SNX30: variants seen among roughly 807,000 people sequenced by gnomAD.
The protein encoded by SNX30 is sorting nexin-30.
A neutral mutation model predicts 46.4 loss-of-function variants in SNX30; 24 were observed. The ratio of observed to expected loss-of-function variants is 0.52; its 90% confidence interval spans 0.37 to 0.73. The LOEUF is 0.73. Among genes scored for constraint, SNX30 ranks in the 30% least tolerant of loss-of-function variants. The pLI, the probability that SNX30 is intolerant of heterozygous loss-of-function variation, is 0.00. For missense variants in SNX30, 533 were observed against 555.7 expected, an observed-to-expected ratio of 0.96 and a Z score of 0.41; for synonymous variants, 189 against 211.5, an observed-to-expected ratio of 0.89 and a Z score of 0.92.
At chr9:112,832,449 AGAGAGAGAGAGTGTGTGTGT>A (rs1215472540) in intron 4 of SNX30, among the ~76,000 whole-genome samples, 3 of 123,664 alleles carry the variant, frequency 2.4e-5, no homozygotes, top group Non-Finnish European at 4.9e-5. Flanking sequence ...AGAGAGAGAG[AGAGAGAGAGAGTGTGTGTGT>A]GTGTGTGTGT....
chr9:112,797,749 G>A (rs574083316), intron 1 of SNX30, among the ~76,000 whole-genome samples: 48 of 125,030 alleles, frequency 3.8e-4, no homozygotes, highest in South Asian at 1.5e-3. Context: ...TTGCTCTGTC[G>A]CCCAGACTGG....
intron 2 of SNX30, among the ~76,000 whole-genome samples, chr9:112,813,189 T>C (rs1314158327): frequency 6.6e-6 from 1 of 151,876 alleles, no homozygotes; most frequent in East Asian, 1.9e-4. Flanking sequence ...ATACCCTGGT[T>C]GTGGTGGCTC....
At chr9:112,763,021 A>C (rs1439922552) in intron 1 of SNX30, among the ~76,000 whole-genome samples, 1 of 152,182 alleles carries the variant, frequency 6.6e-6, no homozygotes, top group African/African-American at 2.4e-5. Flanking sequence ...ATGGGTGGGC[A>C]GAGGAGGTTC....
At chr9:112,793,485 C>T (rs1840058878) in intron 1 of SNX30, among the ~76,000 whole-genome samples, 1 of 152,234 alleles carries the variant, frequency 6.6e-6, no homozygotes, top group South Asian at 2.1e-4. Flanking sequence ...CAGCAGCCAA[C>T]TCCTTGGTGG....
At chr9:112,883,335 C>T (rs114470007), downstream of SNX30, among the ~76,000 whole-genome samples, 1,611 of 152,198 alleles carry the variant, frequency 0.011, 29 homozygotes, top group African/African-American at 0.037. Flanking sequence ...AGAGGCCGCA[C>T]CCAGATACCA....
At chr9:112,861,935 C>T (rs1019963477) in intron 7 of SNX30, among the ~76,000 whole-genome samples, 1 of 137,162 alleles carries the variant, frequency 7.3e-6, no homozygotes, top group South Asian at 2.3e-4. Flanking sequence ...AGCGACAACA[C>T]TTACGATATC....
chr9:112,778,354 C>A (rs2131372700), intron 1 of SNX30, among the ~76,000 whole-genome samples: 1 of 147,502 alleles, frequency 6.8e-6, no homozygotes, highest in Non-Finnish European at 1.5e-5. Flanking sequence ...CTCACTGCAA[C>A]CTACGCCTCC....
chr9:112,818,474 C>T (rs1840440724), intron 3 of SNX30, among the ~76,000 whole-genome samples: 1 of 152,214 alleles, frequency 6.6e-6, no homozygotes, highest in East Asian at 1.9e-4. Context: ...AGGTGATCCA[C>T]CGACCTCAGC....
chr9:112,881,965 G>C (rs1841582771), downstream of SNX30, among the ~76,000 whole-genome samples: 1 of 152,168 alleles, frequency 6.6e-6, no homozygotes, highest in Admixed American at 6.5e-5. Flanking sequence ...ATGGAGAAGG[G>C]AGAAGAGTGG....
intron 4 of SNX30, among the ~76,000 whole-genome samples, chr9:112,835,848 C>T (rs1240034495): frequency 6.6e-6 from 1 of 151,956 alleles, no homozygotes; most frequent in Non-Finnish European, 1.5e-5. Flanking sequence ...GGAACCTCTG[C>T]TCTTCAGTTT....
intron 1 of SNX30, among the ~76,000 whole-genome samples, chr9:112,768,957 A>G (rs1839599400): frequency 6.6e-6 from 1 of 152,018 alleles, no homozygotes; most frequent in South Asian, 2.1e-4. Flanking sequence ...GATAATTCTA[A>G]CGGGCAGCCA....
At chr9:112,856,737 A>G (rs1273651757) in intron 7 of SNX30, 3 of 152,126 alleles carry the variant, frequency 2.0e-5, no homozygotes, top group African/African-American at 7.3e-5. Context: ...GGAGACTTCT[A>G]CATACAGAGC....
At position 112,750,860 on chromosome 9, in the gene SNX30, G is replaced by A; in HGVS notation, c.-142G>A. 4 of 724,290 alleles carry A rather than the reference G, an allele frequency of 5.5e-6. No homozygotes were observed. Among genetic ancestry groups the A allele is most frequent in the Non-Finnish European group, 6.9e-6 (4 of 580,172 alleles). 44.9% of individuals were successfully genotyped at this position (724,290 alleles called of 1,614,324 possible). A position where few individuals can be genotyped will look rare whatever the true frequency, so the allele number is the denominator to read the frequency against. The stretch of plus-strand genomic sequence containing the variant: ...AGCGCCGGCAGAGACCAGCCGGCGG[G>A]TGGCGGCGGCCCCCAGCACGGCCGG... On this transcript the variant is annotated 5_prime_UTR_variant, in exon 1 of 9. It adds an upstream start codon to the 5' untranslated region. Transcript: ENST00000374232.
chr9:112,777,685 T>C (rs933909101), intron 1 of SNX30, among the ~76,000 whole-genome samples: 1 of 138,862 alleles, frequency 7.2e-6, no homozygotes, highest in Non-Finnish European at 1.5e-5. Flanking sequence ...TAGCCTCAAG[T>C]GATCCTCCCG....
intron 7 of SNX30, 113 bp from the exon 8 acceptor site, chr9:112,864,134 G>A: frequency 2.6e-6 from 3 of 1,150,222 alleles, no homozygotes; most frequent in Non-Finnish European, 3.8e-6. Context: ...GGAGCGTGTT[G>A]ATAGCATTTT....
intron 8 of SNX30, 121 bp downstream of exon 8, chr9:112,864,520 A>T: frequency 7.5e-7 from 1 of 1,334,260 alleles, no homozygotes; most frequent in Non-Finnish European, 1.0e-6. Context: ...TTAGCTGCTT[A>T]GTCTTGGCTC....
At chr9:112,778,240 A>C (rs1175269749) in intron 1 of SNX30, among the ~76,000 whole-genome samples, 1 of 151,672 alleles carries the variant, frequency 6.6e-6, no homozygotes, top group African/African-American at 2.4e-5. Flanking sequence ...CTATGCCTGA[A>C]ATTGGCACAG....
chr9:112,854,645 G>GT (rs2131488826), intron 7 of SNX30, among the ~76,000 whole-genome samples: 1 of 152,332 alleles, frequency 6.6e-6, no homozygotes, highest in African/African-American at 2.4e-5. Context: ...TGAATGTAAT[G>GT]TAACAGTGGC....
intron 2 of SNX30, among the ~76,000 whole-genome samples, chr9:112,809,085 T>G (rs1257752427): frequency 1.0e-5 from 1 of 96,732 alleles, no homozygotes; most frequent in Non-Finnish European, 2.0e-5. Flanking sequence ...AGACATGATT[T>G]TCTTTCTTTT....
Sources: gnomAD v4.1 joint callset for allele counts (sites outside exome capture counted in the v4.1 genomes callset) on GRCh38, gnomAD v4.1.1 for gene constraint, MANE v1.5 for transcripts, NCBI Gene and HGNC (gene_info 2026-07-23, HGNC 2026-07-21) for gene names.